GANC: variants seen among roughly 807,000 people sequenced by gnomAD.
GANC encodes neutral alpha-glucosidase C.
In GANC, 117 loss-of-function variants were observed where a neutral mutation model predicts 124.2. The ratio of observed to expected loss-of-function variants is 0.94; its 90% CI spans 0.81 to 1.10. The LOEUF is 1.10. Among genes scored for constraint, GANC ranks in the 50% least tolerant of loss-of-function variants. The probability of loss-of-function intolerance (pLI) is 0.00; values close to 1 mark genes in which losing one functional copy is unlikely to be tolerated. For missense variants in GANC, 1,140 were observed against 1,095.0 expected (o/e 1.04, Z -0.58); for synonymous variants, 377 against 376.8 (o/e 1.00, Z -0.01).
In GANC at chr15:42,352,785, T is replaced by A; in HGVS notation, c.*646T>A. 1 of 917,212 alleles carries A rather than the reference T, an allele frequency of 1.1e-6. No homozygotes were observed. Among genetic ancestry groups the A allele is most frequent in the African/African-American group, 1.8e-5 (1 of 55,918 alleles). 56.8% of individuals were successfully genotyped at this position (917,212 alleles called of 1,614,324 possible). A position where few individuals can be genotyped will look rare whatever the true frequency, so the allele number is the denominator to read the frequency against. On this transcript the variant is annotated 3_prime_UTR_variant, in exon 24 of 24. Coordinates refer to ENST00000318010, the MANE Select transcript of GANC (RefSeq NM_198141.3). ...ATGTCTTTTACATTGTTTTTTTAAT[T>A]AAGTGCTGTTTACTAACCAAATAAT...
chr15:42,318,335 A>T (rs1000785416), intron 10 of GANC, among the ~76,000 whole-genome samples: 3 of 152,196 alleles, frequency 2.0e-5, no homozygotes, highest in Non-Finnish European at 4.4e-5. Context: ...CCTTGCAGGT[A>T]TGAAACCATC....
Position 42,277,715 on chromosome 15 carries a change from C to T in GANC, c.93-767C>T, listed in dbSNP as rs188678570. On this transcript the variant is annotated intron_variant, in intron 2 of 23. Transcript: ENST00000318010. ...TCCTGGGTTCAAGCGATTCTTCTGC[C>T]TCAGCCTCCCGACTAGCTGGGATTA... Among the ~76,000 whole-genome samples the T allele has an allele frequency of 9.9e-4, 150 of 151,754 alleles. 1 individual carries two copies. Among genetic ancestry groups the T allele is most frequent in the African/African-American group, 3.4e-3 (141 of 41,420 alleles).
chr15:42,284,702 T>C (rs1197005966), intron 3 of GANC, among the ~76,000 whole-genome samples: 1 of 152,196 alleles, frequency 6.6e-6, no homozygotes, highest in Admixed American at 6.5e-5. Context: ...TACTCACAGG[T>C]GCAGTCATGG....
chr15:42,303,499 A>G (rs1239558500), intron 6 of GANC, among the ~76,000 whole-genome samples: 2 of 152,186 alleles, frequency 1.3e-5, no homozygotes, highest in Non-Finnish European at 2.9e-5. Flanking sequence ...AAATTCACAC[A>G]TAACATTATT....
Position 42,310,306 on chromosome 15 carries a change from AT to A in GANC, c.747del (p.Tyr249Ter), listed in dbSNP as rs1342655047. 6.2e-7 allele frequency: 1 copy of A among 1,607,170 alleles called. No individual in the cohort carries two copies. Among genetic ancestry groups the A allele is most frequent in the East Asian group, 2.2e-5 (1 of 44,840 alleles). ...AGTGATGGAGATGCTTACCGTCTTT[AT>A]AACCTGGATGTCTATGGATACCAAA... is the stretch of plus-strand genomic sequence containing the variant. ...NTGDGDAYRLYNLDVYGYQIY... is the reference protein window; with the variant it reads ...NTGDGDAYRLXNLDVYGYQIY... On this transcript the variant is annotated frameshift_variant, in exon 9 of 24. Coordinates refer to ENST00000318010, the MANE Select transcript of GANC (RefSeq NM_198141.3). LOFTEE classifies it high-confidence loss of function.
intron 2 of GANC, among the ~76,000 whole-genome samples, chr15:42,276,680 A>G (rs184347333): frequency 1.6e-4 from 25 of 152,296 alleles, no homozygotes; most frequent in African/African-American, 6.0e-4. Flanking sequence ...ACACTTTTAC[A>G]TGGTTCAAAA....
chr15:42,316,898 C>T (rs1566956434), intron 10 of GANC, among the ~76,000 whole-genome samples: 1 of 152,162 alleles, frequency 6.6e-6, no homozygotes, highest in Admixed American at 6.5e-5. Context: ...TCACAATGTC[C>T]CTTGAGTACC....
chr15:42,288,099 C>T (rs559325227), intron 4 of GANC, among the ~76,000 whole-genome samples: 57 of 152,248 alleles, frequency 3.7e-4, no homozygotes, highest in African/African-American at 1.3e-3. Context: ...ACTTTGATCC[C>T]TGCTCTCCTT....
At chr15:42,277,383 A>G (rs1355951849) in intron 2 of GANC, among the ~76,000 whole-genome samples, 1 of 151,854 alleles carries the variant, frequency 6.6e-6, no homozygotes, top group East Asian at 2.0e-4. Context: ...ATACAAAATT[A>G]GCCAGGCATG....
intron 10 of GANC, among the ~76,000 whole-genome samples, chr15:42,320,182 TA>T (rs1161449275): frequency 7.8e-6 from 1 of 128,794 alleles, no homozygotes; most frequent in Non-Finnish European, 1.7e-5. Flanking sequence ...AACTCCATCT[TA>T]AAAATAAATT....
intron 19 of GANC, 65 bp from the exon 20 acceptor site, chr15:42,345,693 G>C (rs960917985): frequency 2.3e-6 from 2 of 886,814 alleles, no homozygotes; most frequent in Middle Eastern, 2.2e-4. Context: ...ATATTTTGCT[G>C]ACTAATGAAA....
At position 42,276,384 on chromosome 15, in the gene GANC, A is replaced by G; in HGVS notation, c.66A>G (p.Arg22=). The part of the protein sequence containing the change: ...EDEAVDKNIF[R]DCNKIAFYRR... ...AAGCTGTAGATAAAAACATTTTCAG[A>G]GACTGTAACAAGATCGCATTTTACA... The change falls in exon 2 of 24, where the codon AGA becomes AGG. Residue 22 remains arginine (R), a synonymous_variant. Coordinates refer to ENST00000318010, the MANE Select transcript of GANC (RefSeq NM_198141.3). 1 of 1,441,592 alleles carries G rather than the reference A, an allele frequency of 6.9e-7. No homozygotes were observed. Among genetic ancestry groups the G allele is most frequent in the Non-Finnish European group, 9.7e-7 (1 of 1,025,702 alleles). The allele number at this position is 1,441,592 out of a possible 1,614,324, so 89.3% of individuals were successfully genotyped here. A position where few individuals can be genotyped will look rare whatever the true frequency, so the allele number is the denominator to read the frequency against.
At chr15:42,350,022 CTTTT>C (rs753077889) in intron 22 of GANC, among the ~76,000 whole-genome samples, 124 of 75,024 alleles carry the variant, frequency 1.7e-3, no homozygotes, top group African/African-American at 6.1e-3. Flanking sequence ...CTTTCCCCCA[CTTTT>C]TTTTTTTTTT....
intron 6 of GANC, among the ~76,000 whole-genome samples, chr15:42,299,800 A>T (rs868153340): frequency 6.6e-6 from 1 of 152,154 alleles, no homozygotes; most frequent in Non-Finnish European, 1.5e-5. Context: ...GAAATAACCA[A>T]ATAACACCAC....
At chr15:42,284,842 C>G (rs1230084787) in intron 3 of GANC, among the ~76,000 whole-genome samples, 1 of 152,150 alleles carries the variant, frequency 6.6e-6, no homozygotes, top group Admixed American at 6.5e-5. Flanking sequence ...AACACATGCT[C>G]TCTCACCTCA....
At chr15:42,290,766 C>A (rs2051833425) in intron 4 of GANC, among the ~76,000 whole-genome samples, 1 of 152,138 alleles carries the variant, frequency 6.6e-6, no homozygotes, top group African/African-American at 2.4e-5. Flanking sequence ...TATGATCGCA[C>A]CACTGCACTC....
chr15:42,352,085 C>G lies in GANC; in HGVS notation c.2691C>G (p.Ser897Arg). The change falls in exon 24 of 24, where the codon AGC (serine) becomes AGG (arginine). Residue 897 changes from serine (S) to arginine (R), a missense_variant. Physicochemically the swap from Ser to Arg is moderately radical, Grantham distance 110. Transcript: ENST00000318010. ...FTYCAKTSIL[S>R]LEKLSLNIAT... ...ATTGTGCCAAAACATCCATCCTGAG[C>G]CTGGAGAAGCTCTCACTCAACATTG... is the stretch of plus-strand genomic sequence containing the variant. 6.2e-7 allele frequency: 1 copy of G among 1,614,150 alleles called. No individual in the cohort carries two copies. Among genetic ancestry groups the G allele is most frequent in the Non-Finnish European group, 8.5e-7 (1 of 1,180,000 alleles).
intron 13 of GANC, 136 bp downstream of exon 13, chr15:42,327,578 C>A: frequency 1.4e-6 from 1 of 689,662 alleles, no homozygotes; most frequent in Non-Finnish European, 2.5e-6. Context: ...CAAGTATGGC[C>A]ACCACATTAC....
intron 10 of GANC, among the ~76,000 whole-genome samples, chr15:42,311,951 C>T (rs771479839): frequency 6.6e-6 from 1 of 151,900 alleles, no homozygotes; most frequent in Non-Finnish European, 1.5e-5. Flanking sequence ...GAATAAAATA[C>T]CTAGGAATAC....
Sources: gnomAD v4.1 joint callset for allele counts (sites outside exome capture counted in the v4.1 genomes callset) on GRCh38, gnomAD v4.1.1 for gene constraint, MANE v1.5 for transcripts, NCBI Gene and HGNC (gene_info 2026-07-23, HGNC 2026-07-21) for gene names.